PIK3CA: variants seen among roughly 807,000 people sequenced by gnomAD.
PIK3CA encodes the protein phosphatidylinositol-4,5-bisphosphate 3-kinase catalytic subunit alpha.
PIK3CA carries 27 observed loss-of-function variants against 138.2 expected under a neutral mutation model. The observed-to-expected ratio is 0.20, with a 90% confidence interval of 0.14 to 0.27. The LOEUF (loss-of-function observed/expected upper bound fraction) is 0.27. PIK3CA is among the 10% of genes least tolerant of loss of function. PIK3CA has a pLI of 1.00. For missense variants in PIK3CA, 544 were observed against 1,277.4 expected (o/e 0.43, Z 8.75); for synonymous variants, 358 against 413.2 (o/e 0.87, Z 1.62).
chr3:179,187,742 A>G (rs1724027771), intron 1 of PIK3CA, among the ~76,000 whole-genome samples: 1 of 150,884 alleles, frequency 6.6e-6, no homozygotes, highest in Non-Finnish European at 1.5e-5. Flanking sequence ...GGTTCAAGCT[A>G]TTCTCCTGCC....
At chr3:179,187,952 T>A (rs1489497407) in intron 1 of PIK3CA, among the ~76,000 whole-genome samples, 1 of 152,168 alleles carries the variant, frequency 6.6e-6, no homozygotes, top group African/African-American at 2.4e-5. Context: ...TTAATTCTTA[T>A]AACATTACTG....
chr3:179,199,370 GTTTTA>G (rs1166062810), intron 2 of PIK3CA, among the ~76,000 whole-genome samples, 193 bp downstream of exon 2: 3 of 151,914 alleles, frequency 2.0e-5, no homozygotes, highest in African/African-American at 7.2e-5. Context: ...ATTCCATAAG[GTTTTA>G]TTTAAGAAAT....
Position 179,235,878 on chromosome 3 carries a change from G to A in PIK3CA, c.*1514G>A, listed in dbSNP as rs1482012441. 4.7e-6 allele frequency: 1 copy of A among 212,416 alleles called. No individual in the cohort carries two copies. Among genetic ancestry groups the A allele is most frequent in the African/African-American group, 2.3e-5 (1 of 44,204 alleles). The allele number at this position is 212,416 out of a possible 1,614,324, so 13.2% of individuals were successfully genotyped here. ...AAAAACATTAACCCAAGATGTAGAG[G>A]CTACTGCTAGTCGTCATTCTAGAAT... On this transcript the variant is annotated 3_prime_UTR_variant, in exon 21 of 21. Transcript: ENST00000263967.
chr3:179,161,723 CAG>C (rs1319657862), intron 1 of PIK3CA, among the ~76,000 whole-genome samples: 2 of 152,066 alleles, frequency 1.3e-5, no homozygotes, highest in South Asian at 2.1e-4. Context: ...AAAGAGATAA[CAG>C]AAAGTCCAGT....
At chr3:179,205,020 CAAAAAAAAAAAAAAAAAAA>C (rs574908621) in intron 6 of PIK3CA, among the ~76,000 whole-genome samples, 44 of 53,382 alleles carry the variant, frequency 8.2e-4, no homozygotes, top group Admixed American at 2.7e-3. Flanking sequence ...GACTCCGTCT[CAAAAAAAAAAAAAAAAAAA>C]AAAAAAAAAA....
At chr3:179,153,965 C>G (rs1271591513) in intron 1 of PIK3CA, among the ~76,000 whole-genome samples, 1 of 152,202 alleles carries the variant, frequency 6.6e-6, no homozygotes, top group East Asian at 1.9e-4. Flanking sequence ...TATTTTATCA[C>G]TGTATACCTT....
At chr3:179,215,424 C>T (rs1292865229) in intron 9 of PIK3CA, among the ~76,000 whole-genome samples, 7 of 151,952 alleles carry the variant, frequency 4.6e-5, no homozygotes, top group South Asian at 2.1e-4. Flanking sequence ...ATCTAAGATA[C>T]GACATGGAAT....
At chr3:179,191,744 C>G (rs1253681706) in intron 1 of PIK3CA, among the ~76,000 whole-genome samples, 1 of 152,162 alleles carries the variant, frequency 6.6e-6, no homozygotes, top group Non-Finnish European at 1.5e-5. Context: ...TCAAACAATT[C>G]TCTTGCCTCA....
chr3:179,164,336 A>G (rs1723360595), intron 1 of PIK3CA, among the ~76,000 whole-genome samples: 1 of 152,184 alleles, frequency 6.6e-6, no homozygotes, highest in Admixed American at 6.5e-5. Flanking sequence ...TAGACCTTTC[A>G]GTCAGTGCTT....
At chr3:179,170,998 A>G (rs1439540617) in intron 1 of PIK3CA, among the ~76,000 whole-genome samples, 2 of 152,216 alleles carry the variant, frequency 1.3e-5, no homozygotes, top group Non-Finnish European at 2.9e-5. Flanking sequence ...ACATTATTCT[A>G]AAGTGCATTG....
At chr3:179,151,212 C>T (rs986581596) in intron 1 of PIK3CA, among the ~76,000 whole-genome samples, 41 of 152,256 alleles carry the variant, frequency 2.7e-4, no homozygotes, top group African/African-American at 9.1e-4. Flanking sequence ...ATTAACAGTG[C>T]CGTAGACAGA....
At chr3:179,175,019 T>C (rs990505621) in intron 1 of PIK3CA, among the ~76,000 whole-genome samples, 8 of 152,222 alleles carry the variant, frequency 5.3e-5, no homozygotes, top group Non-Finnish European at 1.2e-4. Context: ...GATTGCTTGC[T>C]AGGTCTGTTT....
chr3:179,239,919 T>G lies in PIK3CA; in HGVS notation c.*5555T>G. 1 of 851,084 alleles carries G rather than the reference T, an allele frequency of 1.2e-6. No homozygotes were observed. Among genetic ancestry groups the G allele is most frequent in the Non-Finnish European group, 1.9e-6 (1 of 530,868 alleles). The allele number at this position is 851,084 out of a possible 1,614,324, so 52.7% of individuals were successfully genotyped here. A position where few individuals can be genotyped will look rare whatever the true frequency, so the allele number is the denominator to read the frequency against. ...GTGTTACTATATTGAGAATATAGAA[T>G]AATAACAGTATCACTAAATTTAAGA... On this transcript the variant is annotated 3_prime_UTR_variant, in exon 21 of 21. Transcript: ENST00000263967.
At chr3:179,207,528 T>C (rs1272115025) in intron 6 of PIK3CA, among the ~76,000 whole-genome samples, 4 of 149,658 alleles carry the variant, frequency 2.7e-5, no homozygotes, top group Non-Finnish European at 3.0e-5. Flanking sequence ...ATTAAAGTAA[T>C]ATATCTTTAA....
At chr3:179,170,073 C>CAT (rs1723518187) in intron 1 of PIK3CA, among the ~76,000 whole-genome samples, 2 of 96,588 alleles carry the variant, frequency 2.1e-5, no homozygotes, top group Non-Finnish European at 4.6e-5. Flanking sequence ...CACACGCGCG[C>CAT]GCGCACACAC....
chr3:179,224,334 G>A (rs570488427), intron 15 of PIK3CA, 147 bp downstream of exon 15: 1 of 539,138 alleles, frequency 1.9e-6, no homozygotes, highest in African/African-American at 1.9e-5. Context: ...AATAAGAGTA[G>A]TATATCTTAA....
At chr3:179,151,835 C>G (rs1010473380) in intron 1 of PIK3CA, among the ~76,000 whole-genome samples, 6 of 152,218 alleles carry the variant, frequency 3.9e-5, no homozygotes, top group Non-Finnish European at 5.9e-5. Context: ...TTTGAAAAGT[C>G]TAGCTTGAGT....
In PIK3CA at chr3:179,235,586, CAT is replaced by C; in HGVS notation, c.*1225_*1226del. 2 of 203,022 alleles carry C rather than the reference CAT, an allele frequency of 9.9e-6. No individual in the cohort carries two copies. The highest frequency in any genetic ancestry group is 1.0e-5 in the Non-Finnish European group (1 of 98,766). The allele number at this position is 203,022 out of a possible 1,614,324, so 12.6% of individuals were successfully genotyped here. A position where few individuals can be genotyped will look rare whatever the true frequency, so the allele number is the denominator to read the frequency against. Reference sequence around the variant, plus strand: ...CTTTTATAATTGAGAATGTCTCAATCATATGAAATTAGTTACCAGAATTAACA... The same window carrying C: ...CTTTTATAATTGAGAATGTCTCAATCATGAAATTAGTTACCAGAATTAACA... On this transcript the variant is annotated 3_prime_UTR_variant, in exon 21 of 21. Transcript: ENST00000263967.
intron 1 of PIK3CA, among the ~76,000 whole-genome samples, chr3:179,166,259 AG>A (rs1205214091): frequency 6.6e-6 from 1 of 152,234 alleles, no homozygotes; most frequent in Non-Finnish European, 1.5e-5. Context: ...CTTACACATA[AG>A]AAATCTGGCT....
Sources: gnomAD v4.1 joint callset for allele counts (sites outside exome capture counted in the v4.1 genomes callset) on GRCh38, gnomAD v4.1.1 for gene constraint, MANE v1.5 for transcripts, NCBI Gene and HGNC (gene_info 2026-07-23, HGNC 2026-07-21) for gene names.